The following TIMP2 variants were observed in gnomAD, a reference collection of about 807,000 sequenced individuals.
TIMP2 encodes the protein TIMP metallopeptidase inhibitor 2.
Under a neutral mutation model 24.3 loss-of-function variants are expected in TIMP2, and 5 were observed. The observed-to-expected ratio is 0.21, with a 90% CI of 0.11 to 0.43. TIMP2 has a LOEUF of 0.43. TIMP2 is among the 20% of genes least tolerant of loss of function. TIMP2 has a pLI of 1.00. For missense variants in TIMP2, 221 were observed against 297.5 expected, an observed-to-expected ratio of 0.74 and a Z score of 1.89; for synonymous variants, 130 against 123.2, an observed-to-expected ratio of 1.06 and a Z score of -0.37.
chr17:78,855,709 C>T lies in TIMP2; in HGVS notation c.621G>A (p.Ala207=), dbSNP rs771629263. 4.5e-5 allele frequency: 72 copies of T among 1,613,980 alleles called. No homozygotes were observed. The highest frequency in any genetic ancestry group is 5.6e-5 in the Non-Finnish European group (66 of 1,180,042). ...CGAGAAACTCCTGCTTGGGGGGCGC[C>T]GCGCCGCGGTACCACGCACAGGAGC... ...SDGSCAWYRG[A]APPKQEFLDI... Residue 207 remains alanine, a synonymous_variant, in exon 5 of 5, where the codon GCG becomes GCA. Coordinates refer to ENST00000262768, the MANE Select transcript of TIMP2 (RefSeq NM_003255.5). This position sits in a 1 kb window ranked among gnomAD's most constrained non-coding sequence, Gnocchi z 6.0.
In TIMP2 at chr17:78,924,855, G is replaced by A; in HGVS notation, c.130+104C>T. On this transcript the variant is annotated intron_variant, in intron 1 of 4. Coordinates refer to ENST00000262768, the MANE Select transcript of TIMP2 (RefSeq NM_003255.5). This position sits in a 1 kb window ranked among gnomAD's most constrained non-coding sequence, Gnocchi z 5.3. ...GGCGCCGAGGGACCAGGAGGCGGGC[G>A]CTGGGGTCCCTCGGCCAGCGGCGGG... 1 of 708,176 alleles carries A rather than the reference G, an allele frequency of 1.4e-6. No individual in the cohort carries two copies. The highest frequency in any genetic ancestry group is 5.0e-5 in the East Asian group (1 of 19,968). The allele number at this position is 708,176 out of a possible 1,614,324, so 43.9% of individuals were successfully genotyped here.
intron 1 of TIMP2, among the ~76,000 whole-genome samples, chr17:78,919,213 G>A (rs953356396): frequency 1.4e-4 from 21 of 152,214 alleles, no homozygotes; most frequent in African/African-American, 5.1e-4. Context: ...CCTGGGCAAC[G>A]CCCGCTGTCA....
chr17:78,917,955 A>T (rs976599118), intron 1 of TIMP2, among the ~76,000 whole-genome samples: 2 of 152,044 alleles, frequency 1.3e-5, no homozygotes, highest in Middle Eastern at 3.2e-3. Context: ...AAACCTATAA[A>T]AAGACTCCTT....
At chr17:78,861,800 A>G (rs1346799716) in intron 3 of TIMP2, among the ~76,000 whole-genome samples, 1 of 152,028 alleles carries the variant, frequency 6.6e-6, no homozygotes, top group Non-Finnish European at 1.5e-5. Flanking sequence ...ACACGGTTTC[A>G]CCATGTTGGC....
At chr17:78,922,237 C>T (rs887199268) in intron 1 of TIMP2, 1 of 152,228 alleles carries the variant, frequency 6.6e-6, no homozygotes, top group Non-Finnish European at 1.5e-5. Flanking sequence ...GAATCGAACA[C>T]TGGAGAATAG....
At chr17:78,910,360 T>G (rs2070197113) in intron 1 of TIMP2, among the ~76,000 whole-genome samples, 1 of 152,072 alleles carries the variant, frequency 6.6e-6, no homozygotes, top group Non-Finnish European at 1.5e-5. Context: ...GCCTGGCTAA[T>G]TTTTATATTT....
At chr17:78,890,689 C>T in intron 1 of TIMP2, 1 of 1,550,590 alleles carries the variant, frequency 6.4e-7, no homozygotes. Flanking sequence ...CTTCAAGAAA[C>T]TGCTTGTGCA....
At chr17:78,873,997 A>G in intron 1 of TIMP2, 78 bp from the exon 2 acceptor site, 1 of 1,375,122 alleles carries the variant, frequency 7.3e-7, no homozygotes, top group Admixed American at 1.7e-5. Context: ...TAAGACGTCC[A>G]GGCCTGCGGG....
chr17:78,873,953 T>C (rs2069707379), intron 1 of TIMP2, 34 bp from the exon 2 acceptor site: 1 of 1,591,682 alleles, frequency 6.3e-7, no homozygotes, highest in East Asian at 2.2e-5. Flanking sequence ...TGAGGAGAGT[T>C]CCTGAAACAC....
At chr17:78,876,965 A>G (rs1212579380) in intron 1 of TIMP2, among the ~76,000 whole-genome samples, 1 of 152,100 alleles carries the variant, frequency 6.6e-6, no homozygotes, top group Non-Finnish European at 1.5e-5. Context: ...AGCACTTGGT[A>G]TATTCCCCAT....
At chr17:78,913,468 T>C (rs542100789) in intron 1 of TIMP2, among the ~76,000 whole-genome samples, 1 of 152,294 alleles carries the variant, frequency 6.6e-6, no homozygotes, top group Admixed American at 6.5e-5. Context: ...CCCAGTGCTT[T>C]GGGAGGCCGA....
intron 1 of TIMP2, among the ~76,000 whole-genome samples, chr17:78,911,181 C>G (rs1229567846): frequency 6.6e-6 from 1 of 152,142 alleles, no homozygotes; most frequent in Non-Finnish European, 1.5e-5. Context: ...AGAATGGTGG[C>G]AGAGGCGAGC....
At position 78,924,769 on chromosome 17, in the gene TIMP2, G is replaced by A. The variant is rs2070336300; in HGVS notation, c.130+190C>T. ...ATCTCGGCAAAGAGAGGGAAAGAAAGGGAGAGGAGGGAGGGGGGAAAGAAA... is the reference window on the plus strand; with the variant it reads ...ATCTCGGCAAAGAGAGGGAAAGAAAAGGAGAGGAGGGAGGGGGGAAAGAAA... On this transcript the variant is annotated intron_variant, in intron 1 of 4. Transcript: ENST00000262768. This position sits in a 1 kb window ranked among gnomAD's most constrained non-coding sequence, Gnocchi z 5.3. 6.6e-6 allele frequency among the ~76,000 whole-genome samples: 1 copy of A among 152,078 alleles called. No homozygotes were observed. The highest frequency in any genetic ancestry group is 2.4e-5 in the African/African-American group (1 of 41,422).
At chr17:78,885,621 T>C (rs4789939) in intron 1 of TIMP2, among the ~76,000 whole-genome samples, 108,115 of 152,046 alleles carry the variant, frequency 0.71, 41,342 homozygotes, top group Non-Finnish European at 0.83. Flanking sequence ...GCAGGCCCTG[T>C]GCACTTGTGT....
intron 3 of TIMP2, among the ~76,000 whole-genome samples, chr17:78,859,287 A>C (rs9909232): frequency 0.87 from 132,957 of 152,112 alleles, 58,457 homozygotes; most frequent in African/African-American, 0.97. Flanking sequence ...TTGGCGTTTT[A>C]CAAGCAGGAG....
rs1451171562 is a variant in TIMP2 at position 78,891,618 on chromosome 17, A to G, written c.131-17699T>C. ...TTCCCCTCCAGACTCTGTCCCTGAGAGCGACTGGTCAGGGCTGGAACAAAG... is the reference window on the plus strand; with the variant it reads ...TTCCCCTCCAGACTCTGTCCCTGAGGGCGACTGGTCAGGGCTGGAACAAAG... On this transcript the variant is annotated intron_variant, in intron 1 of 4. Transcript: ENST00000262768. This position sits in a 1 kb window ranked among gnomAD's most constrained non-coding sequence, Gnocchi z 4.5. The G allele has an allele frequency of 6.4e-7, 1 of 1,550,834 alleles. No homozygotes were observed. Among genetic ancestry groups the G allele is most frequent in the South Asian group, 1.2e-5 (1 of 84,062 alleles).
chr17:78,859,727 C>T (rs188293425), intron 3 of TIMP2, among the ~76,000 whole-genome samples: 2 of 152,126 alleles, frequency 1.3e-5, no homozygotes, highest in Non-Finnish European at 1.5e-5. Context: ...CATGGTGGCT[C>T]ATGGCTGTAA....
intron 1 of TIMP2, among the ~76,000 whole-genome samples, chr17:78,893,336 C>T (rs1171761154): frequency 8.9e-6 from 1 of 112,370 alleles, no homozygotes; most frequent in African/African-American, 3.6e-5. Flanking sequence ...TGTCTCCATG[C>T]ATGTGTGTGC....
At chr17:78,901,781 TTA>T (rs1042405862) in intron 1 of TIMP2, 1 of 717,074 alleles carries the variant, frequency 1.4e-6, no homozygotes, top group Non-Finnish European at 2.6e-6. Flanking sequence ...GGGGTGGTAC[TTA>T]CTGTGTGTGT....
Sources: allele counts gnomAD v4.1 joint callset (sites outside exome capture counted in the v4.1 genomes callset), GRCh38; gene constraint gnomAD v4.1.1; non-coding constraint Gnocchi (gnomAD v3.1); transcripts MANE v1.5; gene names NCBI Gene and HGNC (gene_info 2026-07-23, HGNC 2026-07-21).